Variants in MAPK14 observed in about 807,000 individuals in gnomAD.
MAPK14 encodes mitogen-activated protein kinase 14.
MAPK14 carries 16 observed loss-of-function variants against 49.6 expected under a neutral mutation model. The ratio of observed to expected loss-of-function variants is 0.32; its 90% confidence interval spans 0.22 to 0.49. The LOEUF (loss-of-function observed/expected upper bound fraction) is 0.49. Ranked by LOEUF, MAPK14 falls within the 20% of genes least tolerant of loss-of-function variation. The probability of loss-of-function intolerance (pLI) is 0.99; values close to 1 mark genes in which losing one functional copy is unlikely to be tolerated. For synonymous variants in MAPK14, 142 were observed against 158.0 expected (o/e 0.90, Z 0.76); for missense variants, 200 against 441.2 (o/e 0.45, Z 4.90).
the MAPK14 span, among the ~76,000 whole-genome samples, chr6:36,124,118 T>C: frequency 3.1e-4 from 12 of 38,644 alleles, no homozygotes; most frequent in African/African-American, 6.6e-4. Context: ...TCTCTCTCTC[T>C]CCTCCCTCCC....
At chr6:36,038,601 T>C (rs969956744) in intron 1 of MAPK14, among the ~76,000 whole-genome samples, 2 of 152,296 alleles carry the variant, frequency 1.3e-5, no homozygotes, top group Non-Finnish European at 2.9e-5. Context: ...AAACCACTAC[T>C]GTGAATAGGA....
chr6:36,080,869 A>T (rs1460452076), intron 8 of MAPK14, among the ~76,000 whole-genome samples: 1 of 150,830 alleles, frequency 6.6e-6, no homozygotes, highest in Admixed American at 6.6e-5. Flanking sequence ...TTTAATAGTC[A>T]CCCAAGTAGT....
At chr6:36,066,034 CAA>C in intron 3 of MAPK14, among the ~76,000 whole-genome samples, 1 of 152,224 alleles carries the variant, frequency 6.6e-6, no homozygotes, top group Non-Finnish European at 1.5e-5. Flanking sequence ...GTGAAACTGA[CAA>C]AACATGTGGG....
intron 8 of MAPK14, among the ~76,000 whole-genome samples, chr6:36,084,376 G>A (rs776306572): frequency 1.3e-5 from 2 of 152,194 alleles, no homozygotes; most frequent in Non-Finnish European, 2.9e-5. Context: ...GTAGACTTCC[G>A]AAGGTGGATA....
intron 9 of MAPK14, chr6:36,096,678 T>C (rs1164417843): frequency 6.6e-6 from 1 of 152,368 alleles, no homozygotes; most frequent in East Asian, 1.9e-4. Flanking sequence ...ACAGCTTCAC[T>C]CCTGATACCT....
At chr6:36,119,800 T>C in the MAPK14 span, among the ~76,000 whole-genome samples, 1 of 152,066 alleles carries the variant, frequency 6.6e-6, no homozygotes, top group Non-Finnish European at 1.5e-5. Flanking sequence ...AGCAGAAACA[T>C]GTCAGCAGTG....
chr6:36,114,781 C>T (rs1187150459), downstream of MAPK14, among the ~76,000 whole-genome samples: 1 of 152,008 alleles, frequency 6.6e-6, no homozygotes, highest in Non-Finnish European at 1.5e-5. Flanking sequence ...TTAAGTTATC[C>T]TTTGTTCAGA....
chr6:36,048,269 C>G (rs1270523491), intron 1 of MAPK14, among the ~76,000 whole-genome samples: 1 of 152,054 alleles, frequency 6.6e-6, no homozygotes, highest in Non-Finnish European at 1.5e-5. Flanking sequence ...TATTGAACTC[C>G]TGACCTCAAG....
chr6:36,093,793 G>A (rs572114438), intron 8 of MAPK14, among the ~76,000 whole-genome samples: 92 of 150,494 alleles, frequency 6.1e-4, no homozygotes, highest in Non-Finnish European at 1.1e-3. Flanking sequence ...TTAAACAAGA[G>A]TACCAATATC....
intron 1 of MAPK14, among the ~76,000 whole-genome samples, chr6:36,046,025 T>G (rs554385670): frequency 3.5e-4 from 53 of 152,270 alleles, no homozygotes; most frequent in Non-Finnish European, 6.0e-4. Flanking sequence ...ATGAAGAATC[T>G]AGTAACCCAC....
At chr6:36,057,933 A>G (rs1763650156) in intron 2 of MAPK14, among the ~76,000 whole-genome samples, 1 of 152,152 alleles carries the variant, frequency 6.6e-6, no homozygotes. Flanking sequence ...TGAATTATAT[A>G]TTTCTTATTT....
chr6:36,062,967 C>T (rs1394518507), intron 3 of MAPK14, among the ~76,000 whole-genome samples: 2 of 152,054 alleles, frequency 1.3e-5, no homozygotes, highest in Non-Finnish European at 2.9e-5. Context: ...CTACAGTTGG[C>T]TTTTAATCAT....
At chr6:36,102,697 A>C in intron 10 of MAPK14, 48 bp downstream of exon 10, 2 of 1,607,484 alleles carry the variant, frequency 1.2e-6, no homozygotes, top group Non-Finnish European at 1.7e-6. Context: ...ATTGGTTATG[A>C]TATAAATTGG....
downstream of MAPK14, among the ~76,000 whole-genome samples, chr6:36,114,318 T>TA (rs1323802207): frequency 6.6e-6 from 1 of 151,974 alleles, no homozygotes; most frequent in East Asian, 1.9e-4. Context: ...TGTTGTAACT[T>TA]AAAGAAGTAG....
At chr6:36,033,222 G>A (rs1394476534) in intron 1 of MAPK14, among the ~76,000 whole-genome samples, 6 of 152,016 alleles carry the variant, frequency 3.9e-5, no homozygotes, top group Non-Finnish European at 7.4e-5. Context: ...ATAATTAACG[G>A]CAAGCATTTG....
intron 1 of MAPK14, among the ~76,000 whole-genome samples, chr6:36,049,690 G>A (rs1763320060): frequency 6.6e-6 from 1 of 152,122 alleles, no homozygotes; most frequent in Non-Finnish European, 1.5e-5. Context: ...GGCTGAAGGC[G>A]GTAAACAAGT....
chr6:36,044,615 C>G (rs984184506), intron 1 of MAPK14, among the ~76,000 whole-genome samples: 1 of 152,186 alleles, frequency 6.6e-6, no homozygotes, highest in Non-Finnish European at 1.5e-5. Flanking sequence ...TGGCTCATGC[C>G]TGTAACCCAA....
chr6:36,027,926 C>A lies in MAPK14; in HGVS notation c.-232C>A. 2.4e-6 allele frequency: 1 copy of A among 415,860 alleles called. No homozygotes were observed. Among genetic ancestry groups the A allele is most frequent in the Non-Finnish European group, 4.2e-6 (1 of 238,492 alleles). 25.8% of individuals were successfully genotyped at this position (415,860 alleles called of 1,614,324 possible). A position where few individuals can be genotyped will look rare whatever the true frequency, so the allele number is the denominator to read the frequency against. ...GCGGGCGCAGTCTTGAGCGCCGGAG[C>A]GCGTCCCTGCCCTTAGCGGGGCTTG... On this transcript the variant is annotated 5_prime_UTR_variant, in exon 1 of 12. Transcript: ENST00000229794.
downstream of MAPK14, among the ~76,000 whole-genome samples, chr6:36,115,927 C>CAAA (rs60613902): frequency 0.13 from 13,620 of 106,054 alleles, 822 homozygotes; most frequent in African/African-American, 0.21. Flanking sequence ...GACTCCGTCT[C>CAAA]AAAAAAAAAA....
Sources: gnomAD v4.1 joint callset for allele counts (sites outside exome capture counted in the v4.1 genomes callset) on GRCh38, gnomAD v4.1.1 for gene constraint, MANE v1.5 for transcripts, NCBI Gene and HGNC (gene_info 2026-07-23, HGNC 2026-07-21) for gene names.